Variants in KCNH8 observed in about 807,000 individuals in gnomAD.
KCNH8 encodes the protein potassium voltage-gated channel subfamily H member 8.
KCNH8 carries 70 observed loss-of-function variants against 103.6 expected under a neutral mutation model. The ratio of observed to expected loss-of-function variants is 0.68; its 90% confidence interval spans 0.56 to 0.82. The LOEUF (loss-of-function observed/expected upper bound fraction) is 0.82, where lower values mean the gene tolerates loss of function less well. Ranked by LOEUF, KCNH8 falls within the 40% of genes least tolerant of loss-of-function variation. The pLI, the probability that KCNH8 is intolerant of heterozygous loss-of-function variation, is 0.00. For synonymous variants in KCNH8, 498 were observed against 489.4 expected (o/e 1.02, Z -0.23); for missense variants, 1,217 against 1,329.9 (o/e 0.92, Z 1.32).
At position 19,533,698 on chromosome 3, in the gene KCNH8, G is replaced by A; in HGVS notation, c.2923G>A (p.Ala975Thr). Residue 975 changes from alanine (A) to threonine (T), a missense_variant, in exon 16 of 16, where the codon GCT becomes ACT. Transcript: ENST00000328405. ...GGGGAGCAGCCCCCAACGAACTGGA[G>A]CTCATGAGCAAAATCCTGCAGACAG... ...SVGSSPQRTG[A>T]HEQNPADSEL... 1.2e-6 allele frequency: 2 copies of A among 1,614,180 alleles called. No homozygotes were observed.
chr3:19,189,887 G>A (rs1006631830), intron 1 of KCNH8, among the ~76,000 whole-genome samples: 1 of 151,994 alleles, frequency 6.6e-6, no homozygotes, highest in Non-Finnish European at 1.5e-5. Context: ...TAAAACTGAC[G>A]CTACTTAGAT....
At chr3:19,452,440 A>G (rs570285542) in intron 10 of KCNH8, among the ~76,000 whole-genome samples, 3 of 152,136 alleles carry the variant, frequency 2.0e-5, no homozygotes, top group Non-Finnish European at 4.4e-5. Flanking sequence ...TTTATTGAGG[A>G]CTTATGAATG....
At chr3:19,526,860 C>A (rs2069074332) in intron 15 of KCNH8, among the ~76,000 whole-genome samples, 1 of 151,982 alleles carries the variant, frequency 6.6e-6, no homozygotes, top group South Asian at 2.1e-4. Flanking sequence ...AAGAAATTCA[C>A]CATGCAATTC....
intron 5 of KCNH8, among the ~76,000 whole-genome samples, chr3:19,348,423 T>A (rs2065756382): frequency 6.6e-6 from 1 of 152,122 alleles, no homozygotes; most frequent in African/African-American, 2.4e-5. Flanking sequence ...AACAAAGGGT[T>A]ACATAAGCCT....
At chr3:19,222,540 C>G (rs1413016711) in intron 1 of KCNH8, among the ~76,000 whole-genome samples, 3 of 152,058 alleles carry the variant, frequency 2.0e-5, no homozygotes, top group East Asian at 3.9e-4. Flanking sequence ...TTTGGCATTT[C>G]CAGTCATCAA....
In KCNH8 at chr3:19,171,090, A is replaced by G. The variant is rs2063344528; in HGVS notation, c.76+22295A>G. ...GCTGGGATTACAGGCCTGAGCCACC[A>G]CGCCCGGCCCCTTGGGGCATATATT... On this transcript the variant is annotated intron_variant, in intron 1 of 15. Coordinates refer to ENST00000328405, the MANE Select transcript of KCNH8 (RefSeq NM_144633.3). Among the ~76,000 whole-genome samples the G allele has an allele frequency of 5.3e-5, 8 of 151,886 alleles. No homozygotes were observed. The South Asian group carries it at 1.5e-3, about 28-fold the overall frequency.
intron 1 of KCNH8, among the ~76,000 whole-genome samples, chr3:19,163,719 G>A (rs1322380448): frequency 6.6e-6 from 1 of 152,100 alleles, no homozygotes; most frequent in Non-Finnish European, 1.5e-5. Flanking sequence ...TTCCACCTCT[G>A]CCTCCTCCCA....
At chr3:19,499,027 A>G (rs1211958069) in intron 11 of KCNH8, among the ~76,000 whole-genome samples, 1 of 152,310 alleles carries the variant, frequency 6.6e-6, no homozygotes, top group East Asian at 1.9e-4. Flanking sequence ...AAGGAAAAGA[A>G]GTTGAGAACT....
At chr3:19,425,363 A>G (rs1208619617) in intron 7 of KCNH8, among the ~76,000 whole-genome samples, 2 of 152,174 alleles carry the variant, frequency 1.3e-5, no homozygotes, top group Non-Finnish European at 2.9e-5. Flanking sequence ...AGGACTTAGT[A>G]TCACCTTATT....
At chr3:19,529,592 T>C (rs1220799920) in intron 15 of KCNH8, among the ~76,000 whole-genome samples, 1 of 152,186 alleles carries the variant, frequency 6.6e-6, no homozygotes, top group African/African-American at 2.4e-5. Context: ...CTTCCTGTTT[T>C]AGAATAAATT....
intron 1 of KCNH8, among the ~76,000 whole-genome samples, chr3:19,195,047 A>G (rs2063587602): frequency 6.6e-6 from 1 of 151,900 alleles, no homozygotes; most frequent in Admixed American, 6.6e-5. Context: ...AATGATTAAT[A>G]AGACATGATA....
chr3:19,370,987 A>C (rs1342205156), intron 5 of KCNH8, among the ~76,000 whole-genome samples: 1 of 152,012 alleles, frequency 6.6e-6, no homozygotes, highest in Non-Finnish European at 1.5e-5. Context: ...TATGTGCCAC[A>C]TTTTCTTAAT....
intron 15 of KCNH8, among the ~76,000 whole-genome samples, chr3:19,530,631 C>A (rs2069144220): frequency 6.6e-6 from 1 of 152,094 alleles, no homozygotes. Flanking sequence ...AATCAGTCTC[C>A]TACATTTTTA....
chr3:19,260,967 CATATATATAT>C (rs138181171), intron 2 of KCNH8, among the ~76,000 whole-genome samples: 3,897 of 132,146 alleles, frequency 0.029, 189 homozygotes, highest in African/African-American at 0.098. Flanking sequence ...GAATAATATT[CATATATATAT>C]ATATATATAT....
chr3:19,176,040 T>A (rs1217935785), intron 1 of KCNH8, among the ~76,000 whole-genome samples: 1 of 152,172 alleles, frequency 6.6e-6, no homozygotes, highest in African/African-American at 2.4e-5. Context: ...AAAATTCAAA[T>A]TATGATGCCA....
chr3:19,197,103 T>C (rs752016811), intron 1 of KCNH8, among the ~76,000 whole-genome samples: 25 of 152,072 alleles, frequency 1.6e-4, no homozygotes, highest in Non-Finnish European at 3.2e-4. Context: ...TGATTTTTGC[T>C]TTACAAGCTA....
chr3:19,157,137 GA>G (rs2063189101), intron 1 of KCNH8, among the ~76,000 whole-genome samples: 2 of 151,762 alleles, frequency 1.3e-5, no homozygotes, highest in East Asian at 1.9e-4. Context: ...TGATTTTCTG[GA>G]AAAAAGGATC....
At chr3:19,187,150 T>C (rs2063510144) in intron 1 of KCNH8, among the ~76,000 whole-genome samples, 1 of 151,914 alleles carries the variant, frequency 6.6e-6, no homozygotes, top group Non-Finnish European at 1.5e-5. Context: ...CTGTGAACCA[T>C]ACAAAAACAG....
chr3:19,180,285 G>A lies in KCNH8; in HGVS notation c.76+31490G>A, dbSNP rs1167347542. ...CCCTTCAAAGGGCCAAGACAGACTT[G>A]GCCCTTCAAAGGGCCAAGACTCTAA... is the stretch of plus-strand genomic sequence containing the variant. On this transcript the variant is annotated intron_variant, in intron 1 of 15. Coordinates refer to ENST00000328405, the MANE Select transcript of KCNH8 (RefSeq NM_144633.3). Among the ~76,000 whole-genome samples the A allele has an allele frequency of 4.9e-4, 12 of 24,528 alleles. No homozygotes were observed. In the East Asian group the frequency reaches 7.2e-3, roughly 15 times the overall value. 16.1% of individuals were successfully genotyped at this position (24,528 alleles called of 152,430 possible).
Sources: allele counts gnomAD v4.1 joint callset (sites outside exome capture counted in the v4.1 genomes callset), GRCh38; gene constraint gnomAD v4.1.1; transcripts MANE v1.5; gene names NCBI Gene and HGNC (gene_info 2026-07-23, HGNC 2026-07-21).